The following TMCO4 variants were observed in gnomAD, a reference collection of about 807,000 sequenced individuals.
The protein encoded by TMCO4 is transmembrane and coiled-coil domain-containing protein 4.
In TMCO4, 58 loss-of-function variants were observed where a neutral mutation model predicts 64.7. The ratio of observed to expected loss-of-function variants is 0.90; its 90% CI spans 0.73 to 1.12. The LOEUF (loss-of-function observed/expected upper bound fraction) is 1.12, where lower values mean the gene tolerates loss of function less well. Among genes scored for constraint, TMCO4 ranks in the 50% most tolerant of loss-of-function variants. The pLI is 0.00. For synonymous variants in TMCO4, 325 were observed against 346.1 expected (o/e 0.94, Z 0.68); for missense variants, 780 against 825.9 (o/e 0.94, Z 0.68).
chr1:19,682,342 C>A lies in TMCO4; in HGVS notation c.*698G>T, dbSNP rs1314105859. The stretch of plus-strand genomic sequence containing the variant: ...TCTTGTCCCCAGGCCTAGTTCACAG[C>A]CATACTGAATGCAATTCAGCATGTA... On this transcript the variant is annotated 3_prime_UTR_variant, in exon 16 of 16. Coordinates refer to ENST00000294543, the MANE Select transcript of TMCO4 (RefSeq NM_181719.7). The A allele has an allele frequency of 2.5e-6, 1 of 399,610 alleles. No homozygotes were observed. The highest frequency in any genetic ancestry group is 4.6e-6 in the Non-Finnish European group (1 of 218,102). The allele number at this position is 399,610 out of a possible 1,614,324, so 24.8% of individuals were successfully genotyped here. A position where few individuals can be genotyped will look rare whatever the true frequency, so the allele number is the denominator to read the frequency against.
At position 19,796,722 on chromosome 1, in the gene TMCO4, A is replaced by C. The variant is rs551266049; in HGVS notation, c.-101+1415T>G. On this transcript the variant is annotated intron_variant, in intron 2 of 15. Transcript: ENST00000294543. ...CCTGAGTAGCTGGGACTACAGGTGC[A>C]TGCCACCATGCCCAGCTAATTTTTG... 5.9e-5 allele frequency among the ~76,000 whole-genome samples: 9 copies of C among 151,962 alleles called. No individual in the cohort carries two copies. The South Asian group carries it at 1.7e-3, about 28-fold the overall frequency.
chr1:19,788,281 A>C (rs1179838384), intron 2 of TMCO4, among the ~76,000 whole-genome samples: 1 of 152,220 alleles, frequency 6.6e-6, no homozygotes, highest in Non-Finnish European at 1.5e-5. Flanking sequence ...AACAGCCTCC[A>C]AAATTATCTC....
chr1:19,712,906 A>G (rs1478985783), intron 13 of TMCO4, among the ~76,000 whole-genome samples: 3 of 152,140 alleles, frequency 2.0e-5, no homozygotes, highest in Non-Finnish European at 2.9e-5. Context: ...GGCATGGCTG[A>G]TCCCACTGGG....
chr1:19,716,396 TTG>T (rs1157169083), intron 13 of TMCO4, among the ~76,000 whole-genome samples: 47 of 149,050 alleles, frequency 3.2e-4, no homozygotes, highest in African/African-American at 1.2e-3. Context: ...TTTTTTTTTT[TTG>T]TTTTTGCATT....
chr1:19,700,752 C>G lies in TMCO4; in HGVS notation c.1382+16G>C. 1 of 1,607,154 alleles carries G rather than the reference C, an allele frequency of 6.2e-7. No homozygotes were observed. Among genetic ancestry groups the G allele is most frequent in the Non-Finnish European group, 8.5e-7 (1 of 1,174,002 alleles). On this transcript the variant is annotated intron_variant, in intron 14 of 15. Transcript: ENST00000294543. ...AAGCATTGTCACTTCCCCGCTGGCA[C>G]GAGGTTTGGACAGACCTGCAGTAGC... is the stretch of plus-strand genomic sequence containing the variant.
chr1:19,740,938 G>A lies in TMCO4; in HGVS notation c.881C>T (p.Thr294Ile). Residue 294 changes from threonine to isoleucine, a missense_variant, in exon 11 of 16, where the codon ACC becomes ATC. Thr to Ile is a moderately conservative substitution (Grantham distance 89). Transcript: ENST00000294543. ...CAGGGCAGCCCACGGGGCACTGAAGGTGCCTGGGGAGATCACAGGTAGGTG... is the reference window on the plus strand; with the variant it reads ...CAGGGCAGCCCACGGGGCACTGAAGATGCCTGGGGAGATCACAGGTAGGTG... ...TGWLASGKYR[T>I]FSAPWAALAH... 1.2e-6 allele frequency: 2 copies of A among 1,600,180 alleles called. No homozygotes were observed. The highest frequency in any genetic ancestry group is 4.5e-5 in the East Asian group (2 of 44,666).
chr1:19,702,406 G>A (rs2095279098), intron 13 of TMCO4, among the ~76,000 whole-genome samples: 1 of 151,448 alleles, frequency 6.6e-6, no homozygotes. Context: ...AGCCTTGCCA[G>A]CATGGCAAAA....
intron 13 of TMCO4, among the ~76,000 whole-genome samples, chr1:19,708,607 G>A (rs762451579): frequency 5.3e-5 from 8 of 152,266 alleles, no homozygotes; most frequent in South Asian, 2.1e-4. Flanking sequence ...CTTTGCCAGC[G>A]GGAATCAGGT....
At chr1:19,778,049 TAAACAACCAAA>T in intron 4 of TMCO4, among the ~76,000 whole-genome samples, 1 of 152,042 alleles carries the variant, frequency 6.6e-6, no homozygotes, top group Admixed American at 6.5e-5. Context: ...AAACAAAAAT[TAAACAACCAAA>T]AAACCACAAA....
chr1:19,699,819 CAT>C (rs1443190454), intron 14 of TMCO4, among the ~76,000 whole-genome samples: 1 of 152,198 alleles, frequency 6.6e-6, no homozygotes, highest in African/African-American at 2.4e-5. Flanking sequence ...CACATACACA[CAT>C]GTACACATGG....
In TMCO4 at chr1:19,697,059, AG is replaced by A. The variant is rs1323543959; in HGVS notation, c.1383-2509del. ...TCAGCATTGGCGGGAGCATTAACTG[AG>A]GGGGGACATGTATACACAGGTGTTC... On this transcript the variant is annotated intron_variant, in intron 14 of 15. Transcript: ENST00000294543. 2.0e-5 allele frequency among the ~76,000 whole-genome samples: 3 copies of A among 152,128 alleles called. No individual in the cohort carries two copies. In the South Asian group the frequency reaches 6.2e-4, roughly 31 times the overall value.
At chr1:19,683,506 C>T in intron 15 of TMCO4, 62 bp from the exon 16 acceptor site, 1 of 1,572,820 alleles carries the variant, frequency 6.4e-7, no homozygotes, top group Non-Finnish European at 8.6e-7. Context: ...CCCCAGGGAC[C>T]TCCGGCCAAA....
At chr1:19,683,570 C>G in intron 15 of TMCO4, 126 bp from the exon 16 acceptor site, 1 of 1,035,106 alleles carries the variant, frequency 9.7e-7, no homozygotes, top group South Asian at 1.6e-5. Flanking sequence ...TCACCAAACC[C>G]ATGACTCCAT....
chr1:19,746,724 A>G (rs1007731832), intron 8 of TMCO4, 125 bp from the exon 9 acceptor site: 19 of 1,224,640 alleles, frequency 1.6e-5, no homozygotes, highest in Non-Finnish European at 2.0e-5. Flanking sequence ...GGAGATCGAG[A>G]CTATCCTGGC....
chr1:19,766,848 C>T (rs2042756355), intron 6 of TMCO4, among the ~76,000 whole-genome samples: 1 of 152,130 alleles, frequency 6.6e-6, no homozygotes, highest in Non-Finnish European at 1.5e-5. Context: ...CAAACCACTT[C>T]CCCCTCTAGG....
At chr1:19,726,327 G>A (rs1163870160) in intron 13 of TMCO4, among the ~76,000 whole-genome samples, 2 of 152,018 alleles carry the variant, frequency 1.3e-5, no homozygotes, top group Admixed American at 6.5e-5. Flanking sequence ...TGTGATGCCT[G>A]GCTCGGCCAC....
In TMCO4 at chr1:19,692,862, T is replaced by C. The variant is rs1005916551; in HGVS notation, c.1500+1572A>G. On this transcript the variant is annotated intron_variant, in intron 15 of 15. Coordinates refer to ENST00000294543, the MANE Select transcript of TMCO4 (RefSeq NM_181719.7). ...GATAGCATGTGGCAGGTGAACGAGG[T>C]TCTTTCAAGTCTAAAAAAACTGAAG... Among the ~76,000 whole-genome samples, 12 of 151,360 alleles carry C rather than the reference T, an allele frequency of 7.9e-5. No individual in the cohort carries two copies. In the South Asian group the frequency reaches 2.1e-3, roughly 26 times the overall value.
intron 4 of TMCO4, 39 bp from the exon 5 acceptor site, chr1:19,771,521 G>T (rs776382217): frequency 1.2e-6 from 2 of 1,601,920 alleles, no homozygotes; most frequent in East Asian, 2.2e-5. Flanking sequence ...AGGATCCTCA[G>T]AGCTCAGCCT....
At chr1:19,704,232 T>G (rs79350452) in intron 13 of TMCO4, among the ~76,000 whole-genome samples, 13,021 of 152,298 alleles carry the variant, frequency 0.085, 683 homozygotes, top group African/African-American at 0.13. Context: ...GCAGAAGAAT[T>G]TAAAACTTCA....
Sources: gnomAD v4.1 joint callset for allele counts (sites outside exome capture counted in the v4.1 genomes callset) on GRCh38, gnomAD v4.1.1 for gene constraint, MANE v1.5 for transcripts, NCBI Gene and HGNC (gene_info 2026-07-23, HGNC 2026-07-21) for gene names.